The following NPRL3 variants were observed in gnomAD, a reference collection of about 807,000 sequenced individuals.
The protein encoded by NPRL3 is GATOR1 complex protein NPRL3.
Under a neutral mutation model 57.2 loss-of-function variants are expected in NPRL3, and 23 were observed. The observed-to-expected ratio is 0.40, with a 90% confidence interval of 0.29 to 0.57. The LOEUF (loss-of-function observed/expected upper bound fraction) is 0.57, where lower values mean the gene tolerates loss of function less well. NPRL3 is among the 20% of genes least tolerant of loss of function. The probability of loss-of-function intolerance (pLI) is 0.42; values close to 1 mark genes in which losing one functional copy is unlikely to be tolerated. For synonymous variants in NPRL3, 333 were observed against 321.1 expected (o/e 1.04, Z -0.39); for missense variants, 691 against 767.1 (o/e 0.90, Z 1.17).
intron 7 of NPRL3, among the ~76,000 whole-genome samples, chr16:102,118 A>T (rs931122473): frequency 6.6e-6 from 1 of 152,188 alleles, no homozygotes; most frequent in Non-Finnish European, 1.5e-5. Flanking sequence ...CAGGCTCCAC[A>T]GTGGGGATGC....
intron 11 of NPRL3, chr16:90,402 G>A (rs1037210782): frequency 6.4e-6 from 1 of 155,428 alleles, no homozygotes; most frequent in Non-Finnish European, 1.4e-5. Context: ...CTACCTGAAA[G>A]TCCACCCTGA....
chr16:86,764 G>A lies in NPRL3; in HGVS notation c.1651C>T (p.Leu551=). 1.3e-6 allele frequency: 2 copies of A among 1,593,624 alleles called. No homozygotes were observed. The highest frequency in any genetic ancestry group is 8.5e-7 in the Non-Finnish European group (1 of 1,171,032). Residue 551 remains leucine (L), a synonymous_variant, in exon 14 of 14, where the codon CTG becomes TTG. Transcript: ENST00000611875. ...GGGTCCTCGTGGGTGGTCACCACCA[G>A]CACGCTGCGGAACTTGTCAAACAGC... ...LMLFDKFRSV[L]VVTTHEDPVI...
chr16:123,271 C>T (rs1900356989), intron 3 of NPRL3, among the ~76,000 whole-genome samples: 1 of 152,096 alleles, frequency 6.6e-6, no homozygotes, highest in African/African-American at 2.4e-5. Flanking sequence ...CGGGTGCCAG[C>T]CAGCCATGCC....
rs578245737 is a variant in NPRL3 at position 109,863 on chromosome 16, C to T, written c.629+662G>A. Among the ~76,000 whole-genome samples the T allele has an allele frequency of 2.6e-5, 4 of 152,348 alleles. No homozygotes were observed. In the South Asian group the frequency reaches 8.3e-4, roughly 32 times the overall value. ...ACCACCTGTCTTTTCTGTGAGCTCACTGCTCAGATCCCTTGTTCATTCTTC... is the reference window on the plus strand; with the variant it reads ...ACCACCTGTCTTTTCTGTGAGCTCATTGCTCAGATCCCTTGTTCATTCTTC... On this transcript the variant is annotated intron_variant, in intron 7 of 13. Transcript: ENST00000611875.
At chr16:103,834 GC>G (rs1319056613) in intron 7 of NPRL3, among the ~76,000 whole-genome samples, 1 of 152,152 alleles carries the variant, frequency 6.6e-6, no homozygotes, top group African/African-American at 2.4e-5. Context: ...CAAATATTAG[GC>G]CGGGTGCCGT....
chr16:86,415 C>G lies in NPRL3; in HGVS notation c.*290G>C, dbSNP rs1262195788. 3.7e-5 allele frequency: 16 copies of G among 429,788 alleles called. No individual in the cohort carries two copies. The East Asian group carries it at 6.1e-4, about 17-fold the overall frequency. The allele number at this position is 429,788 out of a possible 1,614,324, so 26.6% of individuals were successfully genotyped here. On this transcript the variant is annotated 3_prime_UTR_variant, in exon 14 of 14. Coordinates refer to ENST00000611875, the MANE Select transcript of NPRL3 (RefSeq NM_001077350.3). ...TGGGCCTTGAAGGATGCGGCCTCAC[C>G]CAGAGACAGGAGTCCTGGCAGGCCC...
intron 10 of NPRL3, 79 bp downstream of exon 10, chr16:93,140 A>T: frequency 1.1e-6 from 1 of 938,988 alleles, no homozygotes; most frequent in Non-Finnish European, 1.7e-6. Flanking sequence ...GCCAACACAG[A>T]GAACAGCATC....
At chr16:97,019 C>T (rs1396376336) in intron 9 of NPRL3, among the ~76,000 whole-genome samples, 1 of 152,226 alleles carries the variant, frequency 6.6e-6, no homozygotes, top group Non-Finnish European at 1.5e-5. Flanking sequence ...CAGAGGGACC[C>T]AGGCGGGCCC....
chr16:135,633 C>CAA (rs1901040497), intron 2 of NPRL3, among the ~76,000 whole-genome samples: 1 of 135,576 alleles, frequency 7.4e-6, no homozygotes, highest in African/African-American at 2.8e-5. Flanking sequence ...AAAAAAAAGA[C>CAA]ATAAACAGTC....
At chr16:120,970 C>T (rs1044592136) in intron 3 of NPRL3, among the ~76,000 whole-genome samples, 3 of 152,128 alleles carry the variant, frequency 2.0e-5, no homozygotes, top group Admixed American at 2.0e-4. Flanking sequence ...AAACAGTGCC[C>T]CTCCACTCTG....
intron 2 of NPRL3, 34 bp from the exon 3 acceptor site, chr16:130,625 A>C (rs753671887): frequency 6.5e-7 from 1 of 1,547,998 alleles, no homozygotes; most frequent in South Asian, 1.2e-5. Context: ...AAGGGCTAAG[A>C]AAACAGGGTC....
rs907071937 is a variant in NPRL3, at chr16:85,424, C to A, written c.*1281G>T. On this transcript the variant is annotated 3_prime_UTR_variant, in exon 14 of 14. Coordinates refer to ENST00000611875, the MANE Select transcript of NPRL3 (RefSeq NM_001077350.3). ...AGGGGACGGGGCTTGCGTCTTGCTG[C>A]GAGCACTGGAGCCCCTGGAAGGTCT... is the stretch of plus-strand genomic sequence containing the variant. The A allele has an allele frequency of 6.2e-7, 1 of 1,609,386 alleles. No homozygotes were observed. The highest frequency in any genetic ancestry group is 8.5e-7 in the Non-Finnish European group (1 of 1,177,890).
intron 5 of NPRL3, among the ~76,000 whole-genome samples, chr16:114,060 A>C (rs1899927990): frequency 6.6e-6 from 1 of 152,218 alleles, no homozygotes; most frequent in African/African-American, 2.4e-5. Flanking sequence ...CAATTGCCTC[A>C]AAACAAAATA....
intron 7 of NPRL3, among the ~76,000 whole-genome samples, chr16:105,077 C>T (rs182401740): frequency 1.3e-5 from 2 of 152,314 alleles, no homozygotes; most frequent in South Asian, 4.1e-4. Flanking sequence ...AAAACACTGT[C>T]CTCCTCAAGA....
intron 6 of NPRL3, among the ~76,000 whole-genome samples, chr16:111,848 A>G (rs1256302256): frequency 6.6e-6 from 1 of 152,156 alleles, no homozygotes; most frequent in Non-Finnish European, 1.5e-5. Context: ...TATTGCTACA[A>G]CAACTAGGTC....
In NPRL3 at chr16:86,689, C is replaced by T. The variant is rs376243144; in HGVS notation, c.*16G>A. Reference sequence around the variant, plus strand: ...CCACCTGCGCACCCCAGCAGCCTTCCGCCCTCCGCCTGGGCTCAGGGGAGC... The same window carrying T: ...CCACCTGCGCACCCCAGCAGCCTTCTGCCCTCCGCCTGGGCTCAGGGGAGC... On this transcript the variant is annotated 3_prime_UTR_variant, in exon 14 of 14. Transcript: ENST00000611875. 7.1e-5 allele frequency: 110 copies of T among 1,541,908 alleles called. No homozygotes were observed. Among genetic ancestry groups the T allele is most frequent in the Non-Finnish European group, 9.3e-5 (106 of 1,142,204 alleles).
At chr16:100,990 A>AAAAAAAAAAAAAAAAC in intron 7 of NPRL3, among the ~76,000 whole-genome samples, 1 of 145,132 alleles carries the variant, frequency 6.9e-6, no homozygotes, top group African/African-American at 2.5e-5. Flanking sequence ...AAAAAAAAAA[A>AAAAAAAAAAAAAAAAC]GGAAGAAGAA....
chr16:91,331 T>C (rs1898756095), intron 11 of NPRL3, among the ~76,000 whole-genome samples: 1 of 152,116 alleles, frequency 6.6e-6, no homozygotes, highest in African/African-American at 2.4e-5. Context: ...TGAGCCGAGA[T>C]CATGCCATTG....
chr16:102,977 G>A (rs1899363112), intron 7 of NPRL3, among the ~76,000 whole-genome samples: 1 of 152,096 alleles, frequency 6.6e-6, no homozygotes, highest in African/African-American at 2.4e-5. Flanking sequence ...GATCACACCA[G>A]GAGAGATTTG....
Sources: gnomAD v4.1 joint callset for allele counts (sites outside exome capture counted in the v4.1 genomes callset) on GRCh38, gnomAD v4.1.1 for gene constraint, MANE v1.5 for transcripts, NCBI Gene and HGNC (gene_info 2026-07-23, HGNC 2026-07-21) for gene names.